BMPR1A: variants seen among roughly 807,000 people sequenced by gnomAD.
BMPR1A encodes bone morphogenetic protein receptor type 1A.
BMPR1A carries 7 observed loss-of-function variants against 66.0 expected under a neutral mutation model. The ratio of observed to expected loss-of-function variants is 0.11; its 90% CI spans 0.06 to 0.20. BMPR1A has a LOEUF of 0.20. Ranked by LOEUF, BMPR1A falls within the 10% of genes least tolerant of loss-of-function variation. The probability of loss-of-function intolerance (pLI) is 1.00; values close to 1 mark genes in which losing one functional copy is unlikely to be tolerated. For missense variants in BMPR1A, 408 were observed against 669.1 expected, an observed-to-expected ratio of 0.61 and a Z score of 4.31; for synonymous variants, 200 against 229.7, an observed-to-expected ratio of 0.87 and a Z score of 1.17.
intron 7 of BMPR1A, among the ~76,000 whole-genome samples, chr10:86,907,702 GA>G (rs1315389213): frequency 2.6e-5 from 4 of 152,156 alleles, no homozygotes; most frequent in Admixed American, 1.3e-4. Flanking sequence ...AATGTTAAGT[GA>G]AATAAGCCAG....
chr10:86,759,055 A>G (rs1840983661), intron 1 of BMPR1A, among the ~76,000 whole-genome samples: 1 of 152,350 alleles, frequency 6.6e-6, no homozygotes, highest in African/African-American at 2.4e-5. Flanking sequence ...TAAGGTGCAG[A>G]ATATTATAAG....
intron 2 of BMPR1A, among the ~76,000 whole-genome samples, chr10:86,865,061 C>T (rs1038157810): frequency 6.9e-6 from 1 of 145,344 alleles, no homozygotes; most frequent in Non-Finnish European, 1.5e-5. Context: ...TGTCAGGCCT[C>T]TGAGCCCAAG....
At chr10:86,859,669 G>C (rs569695396) in intron 2 of BMPR1A, among the ~76,000 whole-genome samples, 38 of 152,140 alleles carry the variant, frequency 2.5e-4, no homozygotes, top group South Asian at 4.1e-4. Context: ...AATTAACCAG[G>C]CTTGCTGGCA....
Position 86,889,741 on chromosome 10 carries a change from TA to T in BMPR1A, c.68-315del, listed in dbSNP as rs1843120617. 6 of 270,478 alleles carry T rather than the reference TA, an allele frequency of 2.2e-5. No homozygotes were observed. In the South Asian group the frequency reaches 2.6e-4, roughly 12 times the overall value. 16.8% of individuals were successfully genotyped at this position (270,478 alleles called of 1,614,324 possible). A position where few individuals can be genotyped will look rare whatever the true frequency, so the allele number is the denominator to read the frequency against. ...CGTTCATGCTTTTCCCTGGTTAAATTAAAAAATTTTTAAGTTATTTTAAAAA... is the reference window on the plus strand; with the variant it reads ...CGTTCATGCTTTTCCCTGGTTAAATTAAAAATTTTTAAGTTATTTTAAAAA... On this transcript the variant is annotated intron_variant, in intron 3 of 12. Coordinates refer to ENST00000372037, the MANE Select transcript of BMPR1A (RefSeq NM_004329.3).
chr10:86,821,784 C>T (rs767879468), intron 1 of BMPR1A, among the ~76,000 whole-genome samples: 1 of 151,870 alleles, frequency 6.6e-6, no homozygotes, highest in Non-Finnish European at 1.5e-5. Context: ...TTTTCTCCCC[C>T]CTCCCCCTCT....
intron 1 of BMPR1A, among the ~76,000 whole-genome samples, chr10:86,826,795 TTTACTC>T: frequency 6.6e-6 from 1 of 152,202 alleles, no homozygotes; most frequent in Non-Finnish European, 1.5e-5. Flanking sequence ...AATTTTGTAA[TTTACTC>T]TTAATTTTCT....
chr10:86,925,547 ATG>A lies in BMPR1A; in HGVS notation c.*1829_*1830del. The A allele has an allele frequency of 5.0e-6, 1 of 200,594 alleles. No homozygotes were observed. Among genetic ancestry groups the A allele is most frequent in the Non-Finnish European group, 1.0e-5 (1 of 97,528 alleles). 12.4% of individuals were successfully genotyped at this position (200,594 alleles called of 1,614,324 possible). ...TTCATCAAGATAAGTAAATTTGCATATGGATAATACCCAATAACTTGTTTTTT... is the reference window on the plus strand; with the variant it reads ...TTCATCAAGATAAGTAAATTTGCATAGATAATACCCAATAACTTGTTTTTT... On this transcript the variant is annotated 3_prime_UTR_variant, in exon 13 of 13. Transcript: ENST00000372037.
intron 8 of BMPR1A, among the ~76,000 whole-genome samples, chr10:86,915,487 T>TA (rs1375807921): frequency 6.6e-6 from 1 of 152,024 alleles, no homozygotes; most frequent in African/African-American, 2.4e-5. Flanking sequence ...CTTAAAAACT[T>TA]ACAGGCTGAG....
At chr10:86,920,320 T>C (rs1365099844) in intron 10 of BMPR1A, among the ~76,000 whole-genome samples, 2 of 152,192 alleles carry the variant, frequency 1.3e-5, no homozygotes, top group Non-Finnish European at 2.9e-5. Flanking sequence ...TACACACCCG[T>C]AAGCAGTAGA....
At chr10:86,875,278 C>G (rs1842906856) in intron 2 of BMPR1A, among the ~76,000 whole-genome samples, 2 of 151,016 alleles carry the variant, frequency 1.3e-5, no homozygotes, top group Admixed American at 6.6e-5. Flanking sequence ...AAGGCTGAGG[C>G]AGGAGAATCA....
chr10:86,923,320 T>C, intron 11 of BMPR1A, 56 bp from the exon 12 acceptor site: 1 of 1,606,838 alleles, frequency 6.2e-7, no homozygotes, highest in Middle Eastern at 1.9e-4. Flanking sequence ...CTTACTAGAT[T>C]GGTATATCTT....
chr10:86,784,406 T>A (rs1841484925), intron 1 of BMPR1A, among the ~76,000 whole-genome samples: 1 of 152,248 alleles, frequency 6.6e-6, no homozygotes, highest in Non-Finnish European at 1.5e-5. Flanking sequence ...TTACATTTAC[T>A]GATTTTTGTG....
chr10:86,882,771 C>T (rs1299347438), intron 3 of BMPR1A, among the ~76,000 whole-genome samples: 2 of 151,822 alleles, frequency 1.3e-5, no homozygotes, highest in Non-Finnish European at 2.9e-5. Flanking sequence ...TCGAGACCAG[C>T]CTGGCCAACA....
At chr10:86,913,012 A>G (rs1843513137) in intron 8 of BMPR1A, among the ~76,000 whole-genome samples, 1 of 152,116 alleles carries the variant, frequency 6.6e-6, no homozygotes, top group Non-Finnish European at 1.5e-5. Flanking sequence ...GGTTGAAGGA[A>G]CTCTTATTTG....
chr10:86,856,460 G>C (rs1273714519), intron 2 of BMPR1A, among the ~76,000 whole-genome samples: 1 of 152,144 alleles, frequency 6.6e-6, no homozygotes, highest in Admixed American at 6.5e-5. Context: ...CATGTCGTAG[G>C]TATGTCCAGA....
chr10:86,761,601 A>C (rs182756245), intron 1 of BMPR1A, among the ~76,000 whole-genome samples: 1 of 152,238 alleles, frequency 6.6e-6, no homozygotes, highest in Admixed American at 6.5e-5. Context: ...CACTATTGGA[A>C]CGCTAAGCAC....
chr10:86,883,657 C>A (rs957159029), intron 3 of BMPR1A, among the ~76,000 whole-genome samples: 1 of 151,614 alleles, frequency 6.6e-6, no homozygotes, highest in East Asian at 2.0e-4. Flanking sequence ...TGTATCCCAG[C>A]TACTTGGGAG....
chr10:86,915,277 C>T (rs540660701), intron 8 of BMPR1A, among the ~76,000 whole-genome samples: 391 of 152,144 alleles, frequency 2.6e-3, no homozygotes, highest in Admixed American at 4.8e-3. Flanking sequence ...GTGATCCACC[C>T]GCCTCGGCCT....
At chr10:86,893,155 ATAGTGGCAGTAACCTTTGTAT>A (rs1161744051) in intron 5 of BMPR1A, among the ~76,000 whole-genome samples, 1 of 152,204 alleles carries the variant, frequency 6.6e-6, no homozygotes, top group African/African-American at 2.4e-5. Context: ...GACTTTTAAG[ATAGTGGCAGTAACCTTTGTAT>A]CACTCTGAGA....
Sources: gnomAD v4.1 joint callset for allele counts (sites outside exome capture counted in the v4.1 genomes callset) on GRCh38, gnomAD v4.1.1 for gene constraint, MANE v1.5 for transcripts, NCBI Gene and HGNC (gene_info 2026-07-23, HGNC 2026-07-21) for gene names.